HYDIN: variants seen among roughly 807,000 people sequenced by gnomAD.
HYDIN encodes the protein axonemal central pair apparatus protein HYDIN.
In HYDIN, 132 loss-of-function variants were observed where a neutral mutation model predicts 403.9. The observed-to-expected ratio is 0.33, with a 90% confidence interval of 0.28 to 0.38. The LOEUF is 0.38. Ranked by LOEUF, HYDIN falls within the 10% of genes least tolerant of loss-of-function variation. The probability of loss-of-function intolerance (pLI) is 1.00; values close to 1 mark genes in which losing one functional copy is unlikely to be tolerated. For missense variants in HYDIN, 2,827 were observed against 5,009.5 expected (o/e 0.56, Z 13.15); for synonymous variants, 1,202 against 1,891.7 (o/e 0.64, Z 9.46).
chr16:70,818,234 T>C (rs2035973271), intron 84 of HYDIN, 108 bp downstream of exon 84: 5 of 626,504 alleles, frequency 8.0e-6, no homozygotes, highest in Non-Finnish European at 1.4e-5. Flanking sequence ...CTGACCACTG[T>C]CAGGGCTGGC....
intron 5 of HYDIN, among the ~76,000 whole-genome samples, chr16:71,165,461 T>C (rs1018391706): frequency 7.3e-5 from 11 of 150,808 alleles, no homozygotes; most frequent in Admixed American, 4.6e-4. Context: ...TGTCCAGCTT[T>C]AGTCTTGCCC....
intron 73 of HYDIN, among the ~76,000 whole-genome samples, chr16:70,853,232 A>G (rs2143588689): frequency 6.6e-6 from 1 of 152,266 alleles, no homozygotes; most frequent in East Asian, 1.9e-4. Context: ...GATGTTGTGG[A>G]GATTCTGGAA....
chr16:71,171,017 T>C (rs1030066110), intron 5 of HYDIN, among the ~76,000 whole-genome samples: 1 of 152,228 alleles, frequency 6.6e-6, no homozygotes, highest in Non-Finnish European at 1.5e-5. Context: ...AAGTACTTTA[T>C]GGTGGCTTCC....
chr16:71,162,915 G>C (rs984712074), intron 5 of HYDIN, among the ~76,000 whole-genome samples, 185 bp from the exon 6 acceptor site: 2 of 152,248 alleles, frequency 1.3e-5, no homozygotes, highest in Non-Finnish European at 2.9e-5. Flanking sequence ...GAGAGAGAGA[G>C]AGAGAACAGA....
intron 23 of HYDIN, among the ~76,000 whole-genome samples, chr16:70,996,995 A>C (rs1224715978): frequency 6.6e-6 from 1 of 150,436 alleles, no homozygotes; most frequent in East Asian, 2.0e-4. Context: ...GGGAGCCCTG[A>C]GCTTGTTTTC....
At chr16:71,125,854 C>T (rs2084432955) in intron 9 of HYDIN, among the ~76,000 whole-genome samples, 1 of 152,198 alleles carries the variant, frequency 6.6e-6, no homozygotes, top group African/African-American at 2.4e-5. Context: ...CAGCCTCATG[C>T]ATCACCCAAC....
chr16:70,955,002 T>A (rs1395244718), intron 40 of HYDIN, among the ~76,000 whole-genome samples: 3 of 152,172 alleles, frequency 2.0e-5, no homozygotes, highest in Non-Finnish European at 4.4e-5. Flanking sequence ...TCACCCTTGT[T>A]GGAACCCATT....
intron 72 of HYDIN, among the ~76,000 whole-genome samples, chr16:70,855,845 A>C (rs1351919825): frequency 6.6e-6 from 1 of 152,290 alleles, no homozygotes; most frequent in Non-Finnish European, 1.5e-5. Flanking sequence ...TTTGGTTGAC[A>C]GATTTAGCAA....
rs1442081284 is a variant in HYDIN at position 70,962,147 on chromosome 16, T to C, written c.5789-9A>G. ...GGTTATATCTTCCTCTTCTGCCAGG[T>C]AGCAAAGGATGAAAACACCAGGGGA... On this transcript the variant is annotated splice_polypyrimidine_tract_variant and intron_variant, in intron 37 of 85. Coordinates refer to ENST00000393567, the MANE Select transcript of HYDIN (RefSeq NM_001270974.2). The C allele has an allele frequency of 6.0e-6, 4 of 670,904 alleles. No individual in the cohort carries two copies. Among genetic ancestry groups the C allele is most frequent in the Non-Finnish European group, 9.7e-6 (4 of 411,062 alleles). 41.6% of individuals were successfully genotyped at this position (670,904 alleles called of 1,614,324 possible).
intron 1 of HYDIN, among the ~76,000 whole-genome samples, chr16:71,207,747 AC>A (rs1360854105): frequency 1.3e-5 from 2 of 152,204 alleles, no homozygotes; most frequent in Non-Finnish European, 2.9e-5. Flanking sequence ...GCAAATAGAA[AC>A]AAAAAAAAAG....
intron 69 of HYDIN, among the ~76,000 whole-genome samples, chr16:70,861,558 CACT>C (rs1262172005): frequency 4.0e-4 from 59 of 145,866 alleles, no homozygotes; most frequent in African/African-American, 1.3e-3. Context: ...CCACCACCAC[CACT>C]ACCACCTAAT....
At chr16:70,887,189 C>T (rs1193864953) in intron 58 of HYDIN, among the ~76,000 whole-genome samples, 1 of 152,164 alleles carries the variant, frequency 6.6e-6, no homozygotes, top group African/African-American at 2.4e-5. Context: ...CGAAAGATGT[C>T]CACATCCTAA....
intron 11 of HYDIN, among the ~76,000 whole-genome samples, chr16:71,092,423 A>G (rs1480899461): frequency 6.6e-6 from 1 of 152,172 alleles, no homozygotes; most frequent in Non-Finnish European, 1.5e-5. Context: ...CTTCTAGCAT[A>G]TTTGAGACAT....
In HYDIN at chr16:71,010,651, G is replaced by T. The variant is rs192239118; in HGVS notation, c.3644+7478C>A. Among the ~76,000 whole-genome samples the T allele has an allele frequency of 1.4e-3, 210 of 152,268 alleles. 3 individuals carry two copies. In the East Asian group the frequency reaches 0.035, roughly 25 times the overall value. On this transcript the variant is annotated intron_variant, in intron 23 of 85. Transcript: ENST00000393567. ...CAGCCACCCAGCAGGGTCACATGGG[G>T]CAGGTGGCTGAGCCAAAGTCTGACT...
chr16:71,111,226 ATAT>A (rs1384744888), intron 10 of HYDIN, among the ~76,000 whole-genome samples: 1 of 140,166 alleles, frequency 7.1e-6, no homozygotes, highest in Admixed American at 7.2e-5. Context: ...AAAATTAAAA[ATAT>A]TATTGCAGAA....
At chr16:71,187,572 GT>G (rs2087219638) in intron 1 of HYDIN, among the ~76,000 whole-genome samples, 1 of 151,994 alleles carries the variant, frequency 6.6e-6, no homozygotes, top group Non-Finnish European at 1.5e-5. Flanking sequence ...AGCAGGCTAG[GT>G]TATCCAATCA....
In HYDIN at chr16:71,008,444, C is replaced by T. The variant is rs2079962477; in HGVS notation, c.3644+9685G>A. ...AATGATGCCTGGCACATGGTGGGTA[C>T]TCAATCATAGTTACTGCTATTGGTC... On this transcript the variant is annotated intron_variant, in intron 23 of 85. Coordinates refer to ENST00000393567, the MANE Select transcript of HYDIN (RefSeq NM_001270974.2). Among the ~76,000 whole-genome samples, 4 of 152,246 alleles carry T rather than the reference C, an allele frequency of 2.6e-5. No individual in the cohort carries two copies. The South Asian group carries it at 6.2e-4, about 24-fold the overall frequency.
Position 70,863,132 on chromosome 16 carries a change from G to A in HYDIN, c.11522C>T (p.Ser3841Leu), listed in dbSNP as rs372047627. The change falls in exon 68 of 86, where the codon TCA (serine) becomes TTA (leucine). Residue 3841 changes from serine (S) to leucine (L), a missense_variant. Ser to Leu is a moderately radical substitution (Grantham distance 145). Transcript: ENST00000393567. ...GCTGACTGCCTTTGAGGTATCTTCT[G>A]AGACCCAGCTGAATTCCAGCTGGAC... ...GRVQLEFSWV[S>L]EDTSKAVSFA... is the part of the protein sequence containing the mutation. 3.6e-5 allele frequency: 58 copies of A among 1,613,990 alleles called. No homozygotes were observed. The African/African-American group carries it at 7.3e-4, about 20-fold the overall frequency.
chr16:70,966,834 C>T (rs535383991), intron 36 of HYDIN, among the ~76,000 whole-genome samples: 146 of 151,726 alleles, frequency 9.6e-4, no homozygotes, highest in Middle Eastern at 3.4e-3. Context: ...TGGAGAAGCT[C>T]CACTGTAAGG....
Sources: gnomAD v4.1 joint callset for allele counts (sites outside exome capture counted in the v4.1 genomes callset) on GRCh38, gnomAD v4.1.1 for gene constraint, MANE v1.5 for transcripts, NCBI Gene and HGNC (gene_info 2026-07-23, HGNC 2026-07-21) for gene names.